The following SLC35G2 variants were observed in gnomAD, a reference collection of about 807,000 sequenced individuals.
SLC35G2 encodes solute carrier family 35 member G2.
Under a neutral mutation model 27.2 loss-of-function variants are expected in SLC35G2, and 20 were observed. The ratio of observed to expected loss-of-function variants is 0.74; its 90% CI spans 0.52 to 1.07. The LOEUF (loss-of-function observed/expected upper bound fraction) is 1.07, where lower values mean the gene tolerates loss of function less well. Among genes scored for constraint, SLC35G2 ranks in the 50% least tolerant of loss-of-function variants. The probability of loss-of-function intolerance (pLI) is 0.00; values close to 1 mark genes in which losing one functional copy is unlikely to be tolerated. For missense variants in SLC35G2, 416 were observed against 493.3 expected, an observed-to-expected ratio of 0.84 and a Z score of 1.48; for synonymous variants, 148 against 165.3, an observed-to-expected ratio of 0.90 and a Z score of 0.80.
chr3:136,829,930 T>C (rs1936680864), intron 1 of SLC35G2, among the ~76,000 whole-genome samples: 1 of 152,134 alleles, frequency 6.6e-6, no homozygotes. Flanking sequence ...TGGTGTTCTA[T>C]AGCCTTCTTG....
intron 1 of SLC35G2, among the ~76,000 whole-genome samples, chr3:136,849,174 G>A (rs555818242): frequency 5.0e-4 from 74 of 147,560 alleles, no homozygotes; most frequent in African/African-American, 1.4e-3. Flanking sequence ...ACGAAACTCC[G>A]TCTCAAAAAA....
At chr3:136,832,363 C>T (rs1936751153) in intron 1 of SLC35G2, among the ~76,000 whole-genome samples, 1 of 152,164 alleles carries the variant, frequency 6.6e-6, no homozygotes, top group Non-Finnish European at 1.5e-5. Context: ...AAATCTCAAA[C>T]TGCTCCTTTT....
At chr3:136,848,907 C>G (rs1024142380) in intron 1 of SLC35G2, among the ~76,000 whole-genome samples, 6 of 151,992 alleles carry the variant, frequency 3.9e-5, no homozygotes, top group Admixed American at 3.9e-4. Flanking sequence ...TGTAACGAAC[C>G]GGGCACGGTG....
At chr3:136,830,199 C>T (rs1451035030) in intron 1 of SLC35G2, among the ~76,000 whole-genome samples, 2 of 150,640 alleles carry the variant, frequency 1.3e-5, no homozygotes, top group African/African-American at 4.9e-5. Flanking sequence ...ATCTCCGCCT[C>T]CCAGGTTCAA....
At chr3:136,822,701 G>A (rs1004556548) in intron 1 of SLC35G2, among the ~76,000 whole-genome samples, 2 of 152,148 alleles carry the variant, frequency 1.3e-5, no homozygotes, top group Non-Finnish European at 2.9e-5. Flanking sequence ...TTCTGTGCCT[G>A]GCTTATTTCA....
intron 1 of SLC35G2, among the ~76,000 whole-genome samples, chr3:136,849,015 A>G (rs1352353354): frequency 6.6e-6 from 1 of 152,036 alleles, no homozygotes; most frequent in Non-Finnish European, 1.5e-5. Flanking sequence ...CCCTGTCTCT[A>G]CTAAAAATAC....
chr3:136,828,316 T>A (rs2107998814), intron 1 of SLC35G2, among the ~76,000 whole-genome samples: 1 of 152,362 alleles, frequency 6.6e-6, no homozygotes, highest in South Asian at 2.1e-4. Context: ...CTGCACGATC[T>A]GTCCAATGCT....
chr3:136,820,586 C>T (rs1407537420), intron 1 of SLC35G2: 1 of 152,226 alleles, frequency 6.6e-6, no homozygotes, highest in Non-Finnish European at 1.5e-5. Flanking sequence ...AACAGGAATT[C>T]TCACATATAC....
chr3:136,821,689 C>G (rs561536297), intron 1 of SLC35G2, among the ~76,000 whole-genome samples: 6 of 152,314 alleles, frequency 3.9e-5, no homozygotes, highest in African/African-American at 1.2e-4. Flanking sequence ...GCCTTGGCTT[C>G]CCAAAGTGCC....
intron 1 of SLC35G2, among the ~76,000 whole-genome samples, chr3:136,851,521 A>AAAAAT (rs1937631482): frequency 6.7e-6 from 1 of 149,818 alleles, no homozygotes; most frequent in Non-Finnish European, 1.5e-5. Context: ...AAAAAAAAAA[A>AAAAAT]GATGAACAGT....
intron 1 of SLC35G2, among the ~76,000 whole-genome samples, chr3:136,839,852 A>G (rs1308246628): frequency 6.6e-6 from 1 of 152,066 alleles, no homozygotes; most frequent in Non-Finnish European, 1.5e-5. Context: ...TGCTTCTCTT[A>G]GCAGCCCCTA....
chr3:136,832,402 A>G (rs1312395813), intron 1 of SLC35G2, among the ~76,000 whole-genome samples: 1 of 152,216 alleles, frequency 6.6e-6, no homozygotes, highest in Non-Finnish European at 1.5e-5. Flanking sequence ...CCCAAAACAA[A>G]TTAGTTCTAG....
intron 1 of SLC35G2, among the ~76,000 whole-genome samples, chr3:136,821,761 A>G (rs1936462392): frequency 6.6e-6 from 1 of 152,182 alleles, no homozygotes; most frequent in South Asian, 2.1e-4. Context: ...TTACGTGTAT[A>G]ATACATTATT....
intron 1 of SLC35G2, 25 bp from the exon 2 acceptor site, chr3:136,854,418 T>C (rs770689969): frequency 6.9e-7 from 1 of 1,440,228 alleles, no homozygotes. Context: ...TGAATGTCTT[T>C]TTGTCAATTT....
At chr3:136,847,361 GA>G (rs1359298008) in intron 1 of SLC35G2, among the ~76,000 whole-genome samples, 1 of 152,166 alleles carries the variant, frequency 6.6e-6, no homozygotes, top group African/African-American at 2.4e-5. Flanking sequence ...GTGTACTGAG[GA>G]GGCCCTCCAG....
chr3:136,849,372 A>G lies in SLC35G2; in HGVS notation c.-18-5071A>G, dbSNP rs1028016075. ...GTAATAATCATAGGTAATAAGTATA[A>G]TTATCTTTTATACATGTAGAAACTA... is the stretch of plus-strand genomic sequence containing the variant. On this transcript the variant is annotated intron_variant, in intron 1 of 1. Transcript: ENST00000446465. Among the ~76,000 whole-genome samples, 106 of 152,146 alleles carry G rather than the reference A, an allele frequency of 7.0e-4. 1 individual carries two copies. The highest frequency in any genetic ancestry group is 3.4e-3 in the Middle Eastern group (1 of 292).
intron 1 of SLC35G2, among the ~76,000 whole-genome samples, chr3:136,853,845 T>C (rs1937811523): frequency 6.6e-6 from 1 of 152,068 alleles, no homozygotes; most frequent in South Asian, 2.1e-4. Flanking sequence ...ACGAGAGAGG[T>C]TGTACAATTT....
rs747757553 is a variant in SLC35G2 at position 136,855,584 on chromosome 3, T to C, written c.1124T>C (p.Val375Ala). 6.2e-7 allele frequency: 1 copy of C among 1,614,060 alleles called. No homozygotes were observed. Among genetic ancestry groups the C allele is most frequent in the Non-Finnish European group, 8.5e-7 (1 of 1,179,952 alleles). ...CACATATTTCCTAGCATCTATGATG[T>C]TTTTGGAGGGGTAATCATTATGATT... ...VLHIFPSIYDVFGGVIIMISV... is the reference protein window; with the variant it reads ...VLHIFPSIYDAFGGVIIMISV... The change falls in exon 2 of 2, where the codon GTT becomes GCT. Residue 375 changes from valine (V) to alanine (A), a missense_variant. Physicochemically the swap from Val to Ala is moderately conservative, Grantham distance 64. Transcript: ENST00000446465.
At chr3:136,846,591 G>T (rs981287048) in intron 1 of SLC35G2, 3 of 152,208 alleles carry the variant, frequency 2.0e-5, no homozygotes, top group Admixed American at 2.0e-4. Flanking sequence ...TCGTCTCTGA[G>T]GAAGGAGGAA....
Sources: gnomAD v4.1 joint callset for allele counts (sites outside exome capture counted in the v4.1 genomes callset) on GRCh38, gnomAD v4.1.1 for gene constraint, MANE v1.5 for transcripts, NCBI Gene and HGNC (gene_info 2026-07-23, HGNC 2026-07-21) for gene names.